MYO15A: variants seen among roughly 807,000 people sequenced by gnomAD.
The protein encoded by MYO15A is unconventional myosin-XV.
In MYO15A, 308 loss-of-function variants were observed where a neutral mutation model predicts 394.6. The observed-to-expected ratio is 0.78, with a 90% CI of 0.71 to 0.86. The LOEUF (loss-of-function observed/expected upper bound fraction) is 0.86, where lower values mean the gene tolerates loss of function less well. Ranked by LOEUF, MYO15A falls within the 40% of genes least tolerant of loss-of-function variation. The pLI is 0.00. For synonymous variants in MYO15A, 1,957 were observed against 2,003.8 expected (o/e 0.98, Z 0.62); for missense variants, 4,606 against 4,799.1 (o/e 0.96, Z 1.19).
Position 18,133,329 on chromosome 17 carries a change from C to A in MYO15A, c.4425C>A (p.Ile1475=). 3.7e-6 allele frequency: 6 copies of A among 1,614,210 alleles called. No homozygotes were observed. The highest frequency in any genetic ancestry group is 5.1e-6 in the Non-Finnish European group (6 of 1,180,032). ...TCAGCAGTGAGGACCAGGACAGCAT[C>A]TTCCGCATCCTGGCCTCCATCCTGC... The part of the protein sequence containing the change: ...LGFSSEDQDS[I]FRILASILHL... Residue 1475 remains isoleucine, a synonymous_variant, in exon 12 of 66, where the codon ATC becomes ATA. Coordinates refer to ENST00000647165, the MANE Select transcript of MYO15A (RefSeq NM_016239.4).
chr17:18,157,103 A>G, intron 49 of MYO15A, 38 bp downstream of exon 49: 1 of 1,611,996 alleles, frequency 6.2e-7, no homozygotes, highest in Non-Finnish European at 8.5e-7. Flanking sequence ...CAGGAGGGGG[A>G]GGCTGGCCAA....
At chr17:18,160,100 G>A in intron 56 of MYO15A, 83 bp downstream of exon 56, 4 of 1,321,366 alleles carry the variant, frequency 3.0e-6, no homozygotes, top group Non-Finnish European at 4.3e-6. Flanking sequence ...CACCTCCTCA[G>A]GCCTGACCCC....
chr17:18,162,412 G>A (rs1033093341), intron 57 of MYO15A, among the ~76,000 whole-genome samples, 173 bp from the exon 58 acceptor site: 2 of 152,152 alleles, frequency 1.3e-5, no homozygotes, highest in African/African-American at 4.8e-5. Context: ...CTTGACCTTG[G>A]GCAAGTCACT....
chr17:18,118,903 C>G lies in MYO15A; in HGVS notation c.103C>G (p.Arg35Gly), dbSNP rs1432464116. Residue 35 changes from arginine (R) to glycine (G), a missense_variant, in exon 2 of 66, where the codon CGG becomes GGG. Physicochemically the swap from Arg to Gly is moderately radical, Grantham distance 125. Coordinates refer to ENST00000647165, the MANE Select transcript of MYO15A (RefSeq NM_016239.4). ...KPKRSLKGTSRLFMGFRDRTP... is the reference protein window; with the variant it reads ...KPKRSLKGTSGLFMGFRDRTP... ...CAAACGGAGCCTGAAGGGGACGTCG[C>G]GGCTGTTCATGGGCTTCCGCGACCG... 1 of 1,613,882 alleles carries G rather than the reference C, an allele frequency of 6.2e-7. No individual in the cohort carries two copies. The highest frequency in any genetic ancestry group is 8.5e-7 in the Non-Finnish European group (1 of 1,179,986).
rs1322664028 is a variant in MYO15A, at chr17:18,117,788, C to T, written c.-219-794C>T. 2.0e-5 allele frequency among the ~76,000 whole-genome samples: 3 copies of T among 152,192 alleles called. No individual in the cohort carries two copies. The highest frequency in any genetic ancestry group is 4.4e-5 in the Non-Finnish European group (3 of 68,038). The stretch of plus-strand genomic sequence containing the variant: ...ACCACATGGCCACAGCCTACTCAGC[C>T]AGGGCAGAAAGTAAGAGGAGAGGAC... On this transcript the variant is annotated intron_variant, in intron 1 of 65. Transcript: ENST00000647165. The surrounding 1 kb of genome is among the most constrained non-coding windows in gnomAD (Gnocchi z 4.1).
chr17:18,154,907 C>A, intron 45 of MYO15A, 152 bp downstream of exon 45: 1 of 1,030,354 alleles, frequency 9.7e-7, no homozygotes, highest in South Asian at 1.4e-5. Flanking sequence ...CTCGCATGGC[C>A]GGGCTGCATG....
chr17:18,149,986 G>A (rs1205821736), intron 35 of MYO15A: 2 of 303,268 alleles, frequency 6.6e-6, no homozygotes, highest in South Asian at 3.9e-5. Flanking sequence ...GGGAAGAAGT[G>A]CACCTTTGGT....
At chr17:18,130,844 GTGTGTGTGTGTGTGTGTGTGTGTGTGTC>G (rs2046145769) in intron 8 of MYO15A, 34 bp downstream of exon 8, 2 of 1,538,782 alleles carry the variant, frequency 1.3e-6, no homozygotes, top group African/African-American at 2.7e-5. Context: ...GTGTGTGTGT[GTGTGTGTGTGTGTGTGTGTGTGTGTGTC>G]TGTCCAGGAA....
chr17:18,168,750 C>T (rs558277558), intron 62 of MYO15A, among the ~76,000 whole-genome samples: 7 of 152,066 alleles, frequency 4.6e-5, no homozygotes, highest in South Asian at 4.2e-4. Flanking sequence ...AATTAATGCT[C>T]ACAATGTAAA....
intron 16 of MYO15A, 46 bp from the exon 17 acceptor site, chr17:18,138,069 C>T (rs774157716): frequency 6.3e-7 from 1 of 1,598,832 alleles, no homozygotes; most frequent in Non-Finnish European, 8.5e-7. Flanking sequence ...TGGGTGGGCC[C>T]TGGACAGGGA....
chr17:18,149,119 A>G (rs2046535057), intron 33 of MYO15A, 97 bp from the exon 34 acceptor site: 3 of 1,535,056 alleles, frequency 2.0e-6, no homozygotes, highest in African/African-American at 2.7e-5. Context: ...CTGCTTTTAA[A>G]TGGAGAAAGC....
intron 7 of MYO15A, among the ~76,000 whole-genome samples, chr17:18,130,413 TG>T (rs997099840): frequency 2.9e-5 from 3 of 102,644 alleles, no homozygotes; most frequent in Non-Finnish European, 6.0e-5. Flanking sequence ...GGTAAGGGGT[TG>T]GGGGGTGGGG....
intron 40 of MYO15A, 137 bp from the exon 41 acceptor site, chr17:18,151,709 C>A: frequency 2.6e-6 from 3 of 1,149,390 alleles, no homozygotes. Context: ...GGACTTCAGG[C>A]CAGTCTCTGC....
chr17:18,145,880 C>T lies in MYO15A; in HGVS notation c.6282C>T (p.Arg2094=). 1 of 1,613,270 alleles carries T rather than the reference C, an allele frequency of 6.2e-7. No individual in the cohort carries two copies. The highest frequency in any genetic ancestry group is 8.5e-7 in the Non-Finnish European group (1 of 1,179,998). ...CTCTGTTCGTGGCCCAGATCCTGCG[C>T]TTCATGGGCGACCCCCACCTGCATG... The part of the protein sequence containing the change: ...EAVSIFKLIL[R]FMGDPHLHGA... The change falls in exon 30 of 66, where the codon CGC becomes CGT. Residue 2094 remains arginine (R), a synonymous_variant. Coordinates refer to ENST00000647165, the MANE Select transcript of MYO15A (RefSeq NM_016239.4).
At position 18,120,401 on chromosome 17, in the gene MYO15A, TC is replaced by T. The variant is rs762110822; in HGVS notation, c.1603del (p.Leu535SerfsTer94). ...AVPYGHPFWG[F>X]LTPRQRNLQR... Reference sequence around the variant, plus strand: ...CCCTACGGCCACCCTTTCTGGGGCTTCCTCACGCCGCGCCAGCGCAACCTCC... The same window carrying T: ...CCCTACGGCCACCCTTTCTGGGGCTTCTCACGCCGCGCCAGCGCAACCTCC... On this transcript the variant is annotated frameshift_variant, in exon 2 of 66. Transcript: ENST00000647165. LOFTEE classifies it high-confidence loss of function. The T allele has an allele frequency of 9.3e-6, 15 of 1,608,096 alleles. No homozygotes were observed. In the Admixed American group the frequency reaches 2.5e-4, roughly 27 times the overall value.
At chr17:18,164,090 A>T (rs854804) in intron 60 of MYO15A, 10 of 542,102 alleles carry the variant, frequency 1.8e-5, no homozygotes, top group African/African-American at 1.7e-4. Context: ...GTCCCTCAGG[A>T]CATGCTCAAT....
In MYO15A at chr17:18,148,580, G is replaced by C. The variant is rs2046521969; in HGVS notation, c.6764+12G>C. On this transcript the variant is annotated intron_variant, in intron 32 of 65. Transcript: ENST00000647165. This position sits in a 1 kb window ranked among gnomAD's most constrained non-coding sequence, Gnocchi z 4.8. ...ATTCTGAGGCACAGGTTGGCTCCTAGGATGCCCTCCCAGCACACTCTTATG... is the reference window on the plus strand; with the variant it reads ...ATTCTGAGGCACAGGTTGGCTCCTACGATGCCCTCCCAGCACACTCTTATG... 2 of 1,551,152 alleles carry C rather than the reference G, an allele frequency of 1.3e-6. No homozygotes were observed.
At chr17:18,131,751 GC>G (rs1467667583) in intron 10 of MYO15A, among the ~76,000 whole-genome samples, 1 of 152,058 alleles carries the variant, frequency 6.6e-6, no homozygotes, top group East Asian at 1.9e-4. Flanking sequence ...TCCTGCCAGG[GC>G]CTTTGCACCT....
In MYO15A at chr17:18,125,248, G is replaced by C. The variant is rs777759264; in HGVS notation, c.3756+17G>C. 18 of 1,613,468 alleles carry C rather than the reference G, an allele frequency of 1.1e-5. No homozygotes were observed. The highest frequency in any genetic ancestry group is 2.2e-5 in the East Asian group (1 of 44,884). ...CTCATCTACGTAAGGCCTGGGGCTG[G>C]CCCTGCCCTGGGCCTAGGTCAGGAA... is the stretch of plus-strand genomic sequence containing the variant. On this transcript the variant is annotated intron_variant, in intron 4 of 65. Coordinates refer to ENST00000647165, the MANE Select transcript of MYO15A (RefSeq NM_016239.4).
Sources: gnomAD v4.1 joint callset for allele counts (sites outside exome capture counted in the v4.1 genomes callset) on GRCh38, gnomAD v4.1.1 for gene constraint, Gnocchi (gnomAD v3.1) non-coding constraint, MANE v1.5 for transcripts, NCBI Gene and HGNC (gene_info 2026-07-23, HGNC 2026-07-21) for gene names.